CDH13: variants seen among roughly 807,000 people sequenced by gnomAD.
CDH13 encodes cadherin-13.
CDH13 carries 24 observed loss-of-function variants against 63.8 expected under a neutral mutation model. The observed-to-expected ratio is 0.38, with a 90% confidence interval of 0.27 to 0.53. The LOEUF (loss-of-function observed/expected upper bound fraction) is 0.53, where lower values mean the gene tolerates loss of function less well. CDH13 is among the 20% of genes least tolerant of loss of function. CDH13 has a pLI of 0.85. For synonymous variants in CDH13, 503 were observed against 355.3 expected, an observed-to-expected ratio of 1.42 and a Z score of -4.67; for missense variants, 1,049 against 903.1, an observed-to-expected ratio of 1.16 and a Z score of -2.07.
intron 11 of CDH13, among the ~76,000 whole-genome samples, chr16:83,777,890 A>T (rs191337969): frequency 2.1e-3 from 323 of 152,364 alleles, no homozygotes; most frequent in Middle Eastern, 6.8e-3. Flanking sequence ...AATAAAAGAA[A>T]GCCATAGGTT....
intron 4 of CDH13, among the ~76,000 whole-genome samples, chr16:83,126,667 G>C (rs2035824958): frequency 1.3e-5 from 2 of 152,220 alleles, no homozygotes; most frequent in South Asian, 4.1e-4. Flanking sequence ...AAGGGAGTCA[G>C]AAATTAAACG....
chr16:83,478,685 T>C (rs1279617566), intron 6 of CDH13, among the ~76,000 whole-genome samples: 1 of 151,992 alleles, frequency 6.6e-6, no homozygotes, highest in African/African-American at 2.4e-5. Flanking sequence ...TTCCCCAAAA[T>C]TGGGCTGGAA....
At chr16:82,795,908 C>G (rs1039491896) in intron 1 of CDH13, among the ~76,000 whole-genome samples, 1 of 151,296 alleles carries the variant, frequency 6.6e-6, no homozygotes, top group Non-Finnish European at 1.5e-5. Context: ...TGTCTCTATT[C>G]GCTTAACACA....
At chr16:83,010,390 C>A (rs867488277) in intron 2 of CDH13, among the ~76,000 whole-genome samples, 10 of 152,042 alleles carry the variant, frequency 6.6e-5, no homozygotes, top group African/African-American at 1.4e-4. Flanking sequence ...GACAGAGATG[C>A]ACGACTGTCA....
rs140887944 is a variant in CDH13, at chr16:82,951,354, T to C, written c.158-80656T>C. 1.6e-3 allele frequency among the ~76,000 whole-genome samples: 240 copies of C among 152,318 alleles called. 2 individuals carry two copies. Among genetic ancestry groups the C allele is most frequent in the African/African-American group, 5.6e-3 (232 of 41,578 alleles). ...GAAATGTCAGTTGATATCTGCTTCC[T>C]ATAAGGTGTTCTGTCCTGAGCTGGA... is the stretch of plus-strand genomic sequence containing the variant. On this transcript the variant is annotated intron_variant, in intron 2 of 13. Transcript: ENST00000567109.
At chr16:83,300,089 C>T (rs936753003) in intron 5 of CDH13, among the ~76,000 whole-genome samples, 24 of 152,278 alleles carry the variant, frequency 1.6e-4, no homozygotes, top group African/African-American at 5.5e-4. Context: ...CTAGTTTTAG[C>T]CCATACTCAA....
At chr16:82,928,157 G>C (rs921611024) in intron 2 of CDH13, among the ~76,000 whole-genome samples, 3 of 74,258 alleles carry the variant, frequency 4.0e-5, no homozygotes, top group African/African-American at 1.3e-4. Context: ...AAAGTAGGCA[G>C]TCGTGTATGT....
intron 7 of CDH13, among the ~76,000 whole-genome samples, chr16:83,557,776 T>A (rs183867092): frequency 1.4e-4 from 21 of 152,232 alleles, no homozygotes; most frequent in Admixed American, 1.2e-3. Flanking sequence ...TGATACCAGT[T>A]TGACCCCAGT....
At chr16:83,204,978 A>C (rs1282019610) in intron 4 of CDH13, among the ~76,000 whole-genome samples, 1 of 152,230 alleles carries the variant, frequency 6.6e-6, no homozygotes, top group African/African-American at 2.4e-5. Context: ...CGCAAGTCCC[A>C]TGGCCACATC....
At chr16:83,378,794 A>G (rs1037328575) in intron 6 of CDH13, among the ~76,000 whole-genome samples, 1 of 152,192 alleles carries the variant, frequency 6.6e-6, no homozygotes, top group Non-Finnish European at 1.5e-5. Context: ...AAACAGTAGA[A>G]CTGTCGTGAC....
intron 2 of CDH13, among the ~76,000 whole-genome samples, chr16:82,918,545 G>T (rs2042062935): frequency 3.1e-5 from 4 of 130,546 alleles, no homozygotes; most frequent in East Asian, 4.4e-4. Flanking sequence ...GTGTCACTCT[G>T]TCACCCAGGC....
chr16:82,938,124 AT>A (rs1357766120), intron 2 of CDH13, among the ~76,000 whole-genome samples: 2 of 152,198 alleles, frequency 1.3e-5, no homozygotes, highest in Non-Finnish European at 2.9e-5. Context: ...CTTGGCATTT[AT>A]TTCTGGGAAG....
intron 3 of CDH13, among the ~76,000 whole-genome samples, chr16:83,035,168 C>T (rs1277722826): frequency 3.9e-5 from 6 of 152,168 alleles, no homozygotes; most frequent in Non-Finnish European, 7.3e-5. Flanking sequence ...GCACATACCT[C>T]AATGGATATG....
intron 13 of CDH13, among the ~76,000 whole-genome samples, chr16:83,784,853 C>G (rs1178768201): frequency 2.0e-5 from 3 of 152,166 alleles, no homozygotes; most frequent in Non-Finnish European, 1.5e-5. Flanking sequence ...GGGTCCAACA[C>G]TTTCCATCCA....
At chr16:83,768,879 C>T (rs570096942) in intron 11 of CDH13, among the ~76,000 whole-genome samples, 6 of 152,124 alleles carry the variant, frequency 3.9e-5, no homozygotes, top group Admixed American at 1.3e-4. Flanking sequence ...TCTTTATAAC[C>T]TATATCTTGT....
chr16:82,920,047 C>T (rs983344544), intron 2 of CDH13, among the ~76,000 whole-genome samples: 6 of 152,176 alleles, frequency 3.9e-5, no homozygotes, highest in Admixed American at 3.9e-4. Flanking sequence ...GCCTTTGCTA[C>T]TGCAAGTGCC....
At chr16:82,738,839 G>C (rs552023953) in intron 1 of CDH13, among the ~76,000 whole-genome samples, 2 of 152,142 alleles carry the variant, frequency 1.3e-5, no homozygotes, top group Non-Finnish European at 2.9e-5. Flanking sequence ...TTTGACTAAT[G>C]TTATTCATGA....
intron 2 of CDH13, among the ~76,000 whole-genome samples, chr16:82,972,636 A>G (rs892460736): frequency 1.3e-5 from 2 of 152,226 alleles, no homozygotes; most frequent in Admixed American, 1.3e-4. Context: ...TGCCAAGGAT[A>G]GTGCCTGTCA....
intron 2 of CDH13, among the ~76,000 whole-genome samples, chr16:82,950,188 T>C (rs1298440995): frequency 1.3e-5 from 2 of 152,158 alleles, no homozygotes; most frequent in East Asian, 3.9e-4. Flanking sequence ...GGGGAATCTG[T>C]TCATGCCTCT....
Sources: allele counts gnomAD v4.1 joint callset (sites outside exome capture counted in the v4.1 genomes callset), GRCh38; gene constraint gnomAD v4.1.1; transcripts MANE v1.5; gene names NCBI Gene and HGNC (gene_info 2026-07-23, HGNC 2026-07-21).